ANKRD52: variants seen among roughly 807,000 people sequenced by gnomAD.
The protein encoded by ANKRD52 is serine/threonine-protein phosphatase 6 regulatory ankyrin repeat subunit C.
In ANKRD52, 7 loss-of-function variants were observed where a neutral mutation model predicts 116.0. The observed-to-expected ratio is 0.06, with a 90% CI of 0.03 to 0.11. The LOEUF is 0.11. Among genes scored for constraint, ANKRD52 ranks in the 10% least tolerant of loss-of-function variants. ANKRD52 has a pLI of 1.00. For missense variants in ANKRD52, 839 were observed against 1,408.6 expected, an observed-to-expected ratio of 0.60 and a Z score of 6.47; for synonymous variants, 528 against 578.1, an observed-to-expected ratio of 0.91 and a Z score of 1.24.
At chr12:56,246,977 C>G (rs536446086) in intron 20 of ANKRD52, among the ~76,000 whole-genome samples, 184 of 142,180 alleles carry the variant, frequency 1.3e-3, no homozygotes, top group South Asian at 2.4e-3. Context: ...TAATAATAAA[C>G]AAAGCACAGA....
rs1340599656 is a variant in ANKRD52 at position 56,254,812 on chromosome 12, C to G, written c.550+53G>C. On this transcript the variant is annotated intron_variant, in intron 6 of 27. Transcript: ENST00000267116. This position sits in a 1 kb window ranked among gnomAD's most constrained non-coding sequence, Gnocchi z 4.6. ...CAAAGGCTGCAACCCCACATCCCTG[C>G]CCTAGGAATCCTAAATGTCAAATTT... 6.9e-6 allele frequency: 11 copies of G among 1,603,542 alleles called. No homozygotes were observed. The African/African-American group carries it at 1.5e-4, about 21-fold the overall frequency.
rs939269871 is a variant in ANKRD52 at position 56,253,869 on chromosome 12, T to G, written c.907-69A>C. 14 of 1,520,110 alleles carry G rather than the reference T, an allele frequency of 9.2e-6. No homozygotes were observed. The African/African-American group carries it at 1.9e-4, about 21-fold the overall frequency. The allele number at this position is 1,520,110 out of a possible 1,614,324, so 94.2% of individuals were successfully genotyped here. The stretch of plus-strand genomic sequence containing the variant: ...TGCAAAGCACAGAGAATGCCCTACC[T>G]CCCTTCCAAGGACATATCTCTAAGG... On this transcript the variant is annotated intron_variant, in intron 8 of 27. Coordinates refer to ENST00000267116, the MANE Select transcript of ANKRD52 (RefSeq NM_173595.4). The surrounding 1 kb of genome is among the most constrained non-coding windows in gnomAD (Gnocchi z 5.5).
intron 3 of ANKRD52, 81 bp from the exon 4 acceptor site, chr12:56,257,166 A>C: frequency 1.3e-6 from 2 of 1,562,868 alleles, no homozygotes; most frequent in Non-Finnish European, 1.7e-6. Context: ...AGGAAATCTG[A>C]ATGGAGCTGG....
chr12:56,248,463 G>A lies in ANKRD52; in HGVS notation c.1776+32C>T, dbSNP rs1203061923. The A allele has an allele frequency of 1.3e-6, 2 of 1,571,218 alleles. No individual in the cohort carries two copies. Among genetic ancestry groups the A allele is most frequent in the East Asian group, 2.3e-5 (1 of 42,844 alleles). On this transcript the variant is annotated intron_variant, in intron 17 of 27. Coordinates refer to ENST00000267116, the MANE Select transcript of ANKRD52 (RefSeq NM_173595.4). This position sits in a 1 kb window ranked among gnomAD's most constrained non-coding sequence, Gnocchi z 5.1. Reference sequence around the variant, plus strand: ...TAGGGCCTGGGAACAGGTAGGACAAGGAAGGCAACAGAAAAAAGACGTGGG... The same window carrying A: ...TAGGGCCTGGGAACAGGTAGGACAAAGAAGGCAACAGAAAAAAGACGTGGG...
At position 56,238,287 on chromosome 12, in the gene ANKRD52, G is replaced by A. The variant is rs1871012191; in HGVS notation, c.*4855C>T. 1.3e-5 allele frequency: 2 copies of A among 153,138 alleles called. No individual in the cohort carries two copies. The highest frequency in any genetic ancestry group is 2.4e-5 in the African/African-American group (1 of 41,446). 9.5% of individuals were successfully genotyped at this position (153,138 alleles called of 1,614,324 possible). ...CAGGGTGGAGGGTGCAACAGGACAT[G>A]GAACATGCCCCTCCGTGCCCCCCAA... On this transcript the variant is annotated 3_prime_UTR_variant, in exon 28 of 28. Transcript: ENST00000267116.
chr12:56,247,870 C>G, intron 18 of ANKRD52, 96 bp from the exon 19 acceptor site: 1 of 1,418,492 alleles, frequency 7.0e-7, no homozygotes, highest in South Asian at 1.2e-5. Context: ...ACAGAAAGAC[C>G]TGGGCCAGGG....
chr12:56,254,063 G>C lies in ANKRD52; in HGVS notation c.906+4C>G, dbSNP rs1473844755. 7 of 1,612,870 alleles carry C rather than the reference G, an allele frequency of 4.3e-6. No homozygotes were observed. The highest frequency in any genetic ancestry group is 3.4e-6 in the Non-Finnish European group (4 of 1,179,254). On this transcript the variant is annotated splice_donor_region_variant and intron_variant, in intron 8 of 27. Transcript: ENST00000267116. The surrounding 1 kb of genome is among the most constrained non-coding windows in gnomAD (Gnocchi z 4.6). ...ACTGGTCTAAGCCTTATCCCTTCAGGCACCTGGTAGTTGACGTCAGCCCCA... is the reference window on the plus strand; with the variant it reads ...ACTGGTCTAAGCCTTATCCCTTCAGCCACCTGGTAGTTGACGTCAGCCCCA...
In ANKRD52 at chr12:56,237,978, G is replaced by T; in HGVS notation, c.*5164C>A. On this transcript the variant is annotated 3_prime_UTR_variant, in exon 28 of 28. Transcript: ENST00000267116. ...GTGCAGGGTCATTAATCTGCGGGGA[G>T]AACATTGTGCTTTAGCCCAGGGAGG... 1.3e-4 allele frequency: 31 copies of T among 240,388 alleles called. No individual in the cohort carries two copies. Among genetic ancestry groups the T allele is most frequent in the Non-Finnish European group, 1.9e-4 (24 of 125,096 alleles). 14.9% of individuals were successfully genotyped at this position (240,388 alleles called of 1,614,324 possible). A position where few individuals can be genotyped will look rare whatever the true frequency, so the allele number is the denominator to read the frequency against.
Position 56,254,475 on chromosome 12 carries a change from T to C in ANKRD52, c.693+103A>G, listed in dbSNP as rs770922576. The C allele has an allele frequency of 2.6e-6, 4 of 1,528,184 alleles. No homozygotes were observed. The highest frequency in any genetic ancestry group is 3.5e-6 in the Non-Finnish European group (4 of 1,137,564). The allele number at this position is 1,528,184 out of a possible 1,614,324, so 94.7% of individuals were successfully genotyped here. ...CCCTCTCTACCACGTCCTTCCAACT[T>C]CCCAAAACTATACCAACATCCCAAT... On this transcript the variant is annotated intron_variant, in intron 7 of 27. Transcript: ENST00000267116. The surrounding 1 kb of genome is among the most constrained non-coding windows in gnomAD (Gnocchi z 4.6).
Position 56,255,104 on chromosome 12 carries a change from A to T in ANKRD52, c.463-152T>A, listed in dbSNP as rs1379787608. ...CTGGAGGACTCGAGGGAACAGCAGA[A>T]GCAGGCACTAAGGAGGAGATACTGG... On this transcript the variant is annotated intron_variant, in intron 5 of 27. Transcript: ENST00000267116. The surrounding 1 kb of genome is among the most constrained non-coding windows in gnomAD (Gnocchi z 4.3). 1.6e-6 allele frequency: 1 copy of T among 638,494 alleles called. No individual in the cohort carries two copies. Among genetic ancestry groups the T allele is most frequent in the African/African-American group, 1.8e-5 (1 of 54,882 alleles). The allele number at this position is 638,494 out of a possible 1,614,324, so 39.6% of individuals were successfully genotyped here.
chr12:56,244,212 C>G lies in ANKRD52; in HGVS notation c.2806-79G>C. On this transcript the variant is annotated intron_variant, in intron 25 of 27. Coordinates refer to ENST00000267116, the MANE Select transcript of ANKRD52 (RefSeq NM_173595.4). The surrounding 1 kb of genome is among the most constrained non-coding windows in gnomAD (Gnocchi z 4.9). The stretch of plus-strand genomic sequence containing the variant: ...GCAGGGCAGGAGTTGGGGAGAGTAA[C>G]AGGAGGACAAACAGCTGCCCAACCA... The G allele has an allele frequency of 1.3e-6, 2 of 1,562,004 alleles. No individual in the cohort carries two copies. The highest frequency in any genetic ancestry group is 2.2e-5 in the South Asian group (2 of 89,624).
intron 2 of ANKRD52, 77 bp downstream of exon 2, chr12:56,257,751 C>T: frequency 7.1e-7 from 1 of 1,413,648 alleles, no homozygotes; most frequent in Non-Finnish European, 9.8e-7. Flanking sequence ...GACACGGAGC[C>T]GCCCCACCGG....
intron 20 of ANKRD52, among the ~76,000 whole-genome samples, chr12:56,247,021 C>T (rs1315222126): frequency 2.0e-5 from 3 of 149,936 alleles, no homozygotes; most frequent in Non-Finnish European, 4.4e-5. Flanking sequence ...GTCAGGAACT[C>T]ATCCTGGAGC....
chr12:56,255,130 A>G lies in ANKRD52; in HGVS notation c.463-178T>C. On this transcript the variant is annotated intron_variant, in intron 5 of 27. Coordinates refer to ENST00000267116, the MANE Select transcript of ANKRD52 (RefSeq NM_173595.4). The surrounding 1 kb of genome is among the most constrained non-coding windows in gnomAD (Gnocchi z 4.3). ...GCAGGCACTAAGGAGGAGATACTGG[A>G]GAGATTTGGAACTTTAAGGGAAACA... The G allele has an allele frequency of 1.8e-6, 1 of 548,954 alleles. No homozygotes were observed. The highest frequency in any genetic ancestry group is 3.3e-6 in the Non-Finnish European group (1 of 306,980). The allele number at this position is 548,954 out of a possible 1,614,324, so 34.0% of individuals were successfully genotyped here. A position where few individuals can be genotyped will look rare whatever the true frequency, so the allele number is the denominator to read the frequency against.
chr12:56,248,777 G>A lies in ANKRD52; in HGVS notation c.1686C>T (p.Asn562=), dbSNP rs779319046. 6.2e-7 allele frequency: 1 copy of A among 1,610,854 alleles called. No homozygotes were observed. Among genetic ancestry groups the A allele is most frequent in the South Asian group, 1.1e-5 (1 of 90,590 alleles). ...CACATACCAGTTCGAGGTTCTGTCT[G>A]TTGCCATAGGCGGCTGCATAGTGCA... ...TAVHYAAAYG[N]RQNLELLLEM... is the part of the protein sequence containing the mutation. Residue 562 remains asparagine (N), a synonymous_variant, in exon 16 of 28, where the codon AAC becomes AAT. Coordinates refer to ENST00000267116, the MANE Select transcript of ANKRD52 (RefSeq NM_173595.4). The surrounding 1 kb of genome is among the most constrained non-coding windows in gnomAD (Gnocchi z 5.1).
At position 56,253,147 on chromosome 12, in the gene ANKRD52, T is replaced by C; in HGVS notation, c.1101-61A>G. 6.8e-7 allele frequency: 1 copy of C among 1,472,918 alleles called. No homozygotes were observed. Among genetic ancestry groups the C allele is most frequent in the South Asian group, 1.3e-5 (1 of 76,902 alleles). 91.2% of individuals were successfully genotyped at this position (1,472,918 alleles called of 1,614,324 possible). On this transcript the variant is annotated intron_variant, in intron 10 of 27. Transcript: ENST00000267116. This position sits in a 1 kb window ranked among gnomAD's most constrained non-coding sequence, Gnocchi z 5.5. ...AGGAGGGACCAAGTAAGACCTCTTC[T>C]GTGACCTACCACCACCCTAGAGTCA...
intron 15 of ANKRD52, among the ~76,000 whole-genome samples, chr12:56,251,125 G>T (rs567097777): frequency 6.6e-6 from 1 of 152,064 alleles, no homozygotes; most frequent in South Asian, 2.1e-4. Context: ...ATTTTTAGTA[G>T]AGACGGGGTT....
Position 56,255,766 on chromosome 12 carries a change from G to C in ANKRD52, c.462+18C>G, listed in dbSNP as rs1409666510. 6.5e-7 allele frequency: 1 copy of C among 1,544,132 alleles called. No individual in the cohort carries two copies. Among genetic ancestry groups the C allele is most frequent in the Non-Finnish European group, 8.8e-7 (1 of 1,136,546 alleles). Reference sequence around the variant, plus strand: ...AAAGGGAAAGCCCCAGCTGGGCCTGGATGGGAACAGTCCTCACCTCAAGAT... The same window carrying C: ...AAAGGGAAAGCCCCAGCTGGGCCTGCATGGGAACAGTCCTCACCTCAAGAT... On this transcript the variant is annotated intron_variant, in intron 5 of 27. Coordinates refer to ENST00000267116, the MANE Select transcript of ANKRD52 (RefSeq NM_173595.4). This position sits in a 1 kb window ranked among gnomAD's most constrained non-coding sequence, Gnocchi z 4.3.
chr12:56,243,978 C>T lies in ANKRD52; in HGVS notation c.2888+73G>A, dbSNP rs1871280974. 1 of 1,605,126 alleles carries T rather than the reference C, an allele frequency of 6.2e-7. No homozygotes were observed. The highest frequency in any genetic ancestry group is 8.5e-7 in the Non-Finnish European group (1 of 1,174,042). On this transcript the variant is annotated intron_variant, in intron 26 of 27. Transcript: ENST00000267116. The surrounding 1 kb of genome is among the most constrained non-coding windows in gnomAD (Gnocchi z 4.6). Reference sequence around the variant, plus strand: ...ACAAATACAATGGGCTCCAGAGAGCCTCTGAACAGCGGCCACTCTTTCATC... The same window carrying T: ...ACAAATACAATGGGCTCCAGAGAGCTTCTGAACAGCGGCCACTCTTTCATC...
Sources: allele counts gnomAD v4.1 joint callset (sites outside exome capture counted in the v4.1 genomes callset), GRCh38; gene constraint gnomAD v4.1.1; non-coding constraint Gnocchi (gnomAD v3.1); transcripts MANE v1.5; gene names NCBI Gene and HGNC (gene_info 2026-07-23, HGNC 2026-07-21).